CRPPA: variants seen among roughly 807,000 people sequenced by gnomAD.
CRPPA encodes the protein CDP-L-ribitol pyrophosphorylase A, also known as D-ribitol-5-phosphate cytidylyltransferase.
CRPPA carries 43 observed loss-of-function variants against 52.0 expected under a neutral mutation model. The ratio of observed to expected loss-of-function variants is 0.83; its 90% CI spans 0.65 to 1.07. CRPPA has a LOEUF of 1.07. Ranked by LOEUF, CRPPA falls within the 50% of genes least tolerant of loss-of-function variation. The pLI, the probability that CRPPA is intolerant of heterozygous loss-of-function variation, is 0.00. For missense variants in CRPPA, 629 were observed against 551.7 expected (o/e 1.14, Z -1.40); for synonymous variants, 250 against 203.5 (o/e 1.23, Z -1.94).
At chr7:16,370,610 A>T (rs1786723739) in intron 3 of CRPPA, among the ~76,000 whole-genome samples, 1 of 152,186 alleles carries the variant, frequency 6.6e-6, no homozygotes, top group Admixed American at 6.5e-5. Context: ...AAGAGAATCT[A>T]AACAACAGGC....
intron 3 of CRPPA, among the ~76,000 whole-genome samples, chr7:16,320,285 T>C (rs1414975495): frequency 6.6e-6 from 1 of 152,178 alleles, no homozygotes; most frequent in African/African-American, 2.4e-5. Context: ...GTGGTTTCAA[T>C]TTATGTTTGC....
intron 2 of CRPPA, among the ~76,000 whole-genome samples, chr7:16,395,117 C>T (rs1787537402): frequency 6.6e-6 from 1 of 152,136 alleles, no homozygotes; most frequent in Admixed American, 6.6e-5. Flanking sequence ...CCTGACTTAT[C>T]AAGTACAAAT....
intron 3 of CRPPA, among the ~76,000 whole-genome samples, chr7:16,324,282 T>C (rs1250980968): frequency 6.6e-6 from 1 of 152,202 alleles, no homozygotes; most frequent in Non-Finnish European, 1.5e-5. Flanking sequence ...AGCTGCAGAC[T>C]GGTGAGCCAC....
intron 8 of CRPPA, among the ~76,000 whole-genome samples, chr7:16,250,960 T>C (rs186588348): frequency 3.3e-5 from 5 of 152,078 alleles, no homozygotes; most frequent in Admixed American, 3.3e-4. Context: ...GAACCATCAG[T>C]GTGCTACATT....
intron 1 of CRPPA, among the ~76,000 whole-genome samples, chr7:16,416,955 A>G (rs773168834): frequency 1.9e-4 from 29 of 152,214 alleles, no homozygotes; most frequent in Non-Finnish European, 3.7e-4. Flanking sequence ...AAACAACTGA[A>G]CCAGCAAAAA....
intron 9 of CRPPA, among the ~76,000 whole-genome samples, chr7:16,145,850 C>A (rs1429184902): frequency 6.6e-6 from 1 of 152,020 alleles, no homozygotes. Flanking sequence ...GCAGCATATT[C>A]ATTAAGGGAG....
chr7:16,148,761 A>G (rs1211102001), intron 9 of CRPPA, among the ~76,000 whole-genome samples: 1 of 152,140 alleles, frequency 6.6e-6, no homozygotes, highest in Non-Finnish European at 1.5e-5. Context: ...TGATAATATT[A>G]TGGAATGCAT....
chr7:16,275,265 C>G (rs762057821), intron 6 of CRPPA, among the ~76,000 whole-genome samples: 6 of 152,284 alleles, frequency 3.9e-5, no homozygotes, highest in Non-Finnish European at 8.8e-5. Context: ...CTAGGAGAAG[C>G]CTTTGTAGGC....
intron 2 of CRPPA, among the ~76,000 whole-genome samples, chr7:16,385,071 G>A (rs1283733703): frequency 6.6e-6 from 1 of 152,094 alleles, no homozygotes; most frequent in Non-Finnish European, 1.5e-5. Context: ...TTGAACTAGA[G>A]AGGAATCAAT....
chr7:16,413,265 C>A (rs1399274654), intron 1 of CRPPA, among the ~76,000 whole-genome samples: 1 of 152,166 alleles, frequency 6.6e-6, no homozygotes, highest in African/African-American at 2.4e-5. Flanking sequence ...CCCATGAAGG[C>A]TCCCGGTTGT....
chr7:16,319,460 G>A (rs187649160), intron 3 of CRPPA, among the ~76,000 whole-genome samples: 7 of 152,128 alleles, frequency 4.6e-5, no homozygotes, highest in East Asian at 1.9e-4. Context: ...TCTGTATCCC[G>A]TGCAGTCTGC....
Position 16,291,491 on chromosome 7 carries a change from AC to A in CRPPA, c.835+9929del, listed in dbSNP as rs573526194. 6.6e-5 allele frequency among the ~76,000 whole-genome samples: 10 copies of A among 152,054 alleles called. No individual in the cohort carries two copies. In the East Asian group the frequency reaches 1.9e-3, roughly 29 times the overall value. On this transcript the variant is annotated intron_variant, in intron 5 of 9. Coordinates refer to ENST00000407010, the MANE Select transcript of CRPPA (RefSeq NM_001101426.4). ...AGTTATATAGGCCAGGAAGAGAAAG[AC>A]AAATATTGCATGTTGTCACTCACAT... is the stretch of plus-strand genomic sequence containing the variant.
At chr7:16,388,861 G>A (rs1787364942) in intron 2 of CRPPA, among the ~76,000 whole-genome samples, 1 of 152,052 alleles carries the variant, frequency 6.6e-6, no homozygotes, top group African/African-American at 2.4e-5. Flanking sequence ...GGGCGACAGA[G>A]CAAGACTCCA....
intron 9 of CRPPA, among the ~76,000 whole-genome samples, chr7:16,207,661 A>G (rs1413052447): frequency 1.3e-5 from 2 of 152,210 alleles, no homozygotes; most frequent in African/African-American, 4.8e-5. Flanking sequence ...GAAAACACTC[A>G]GTTTTGCAAA....
chr7:16,169,271 G>A (rs1781129525), intron 9 of CRPPA, among the ~76,000 whole-genome samples: 1 of 152,028 alleles, frequency 6.6e-6, no homozygotes, highest in Non-Finnish European at 1.5e-5. Context: ...AAAAGTACAT[G>A]TACTACACTA....
At chr7:16,368,312 T>C (rs919397018) in intron 3 of CRPPA, among the ~76,000 whole-genome samples, 24 of 152,316 alleles carry the variant, frequency 1.6e-4, no homozygotes, top group Admixed American at 1.2e-3. Context: ...TTAGAAATAT[T>C]TTCCTTTAGC....
At chr7:16,131,463 C>CAGGT (rs1477833545) in intron 9 of CRPPA, among the ~76,000 whole-genome samples, 1 of 152,132 alleles carries the variant, frequency 6.6e-6, no homozygotes, top group African/African-American at 2.4e-5. Flanking sequence ...GTGGCTGCCC[C>CAGGT]AGGTACAGCT....
At position 16,373,559 on chromosome 7, in the gene CRPPA, A is replaced by G. The variant is rs558399212; in HGVS notation, c.684+2533T>C. Among the ~76,000 whole-genome samples, 44 of 152,318 alleles carry G rather than the reference A, an allele frequency of 2.9e-4. No individual in the cohort carries two copies. In the South Asian group the frequency reaches 2.9e-3, roughly 10 times the overall value. ...ACAAATGACTTCAAGTAATTATTCAATTGTAAGTCTGATGCTGGGGAGAGA... is the reference window on the plus strand; with the variant it reads ...ACAAATGACTTCAAGTAATTATTCAGTTGTAAGTCTGATGCTGGGGAGAGA... On this transcript the variant is annotated intron_variant, in intron 3 of 9. Transcript: ENST00000407010.
intron 9 of CRPPA, among the ~76,000 whole-genome samples, chr7:16,195,910 C>T (rs1781720801): frequency 6.6e-6 from 1 of 152,078 alleles, no homozygotes; most frequent in Admixed American, 6.6e-5. Flanking sequence ...AAAGGCCCTG[C>T]CAACCCCCCT....
Sources: allele counts gnomAD v4.1 joint callset (sites outside exome capture counted in the v4.1 genomes callset), GRCh38; gene constraint gnomAD v4.1.1; transcripts MANE v1.5; gene names NCBI Gene and HGNC (gene_info 2026-07-23, HGNC 2026-07-21).